The following TANC1 variants were observed in gnomAD, a reference collection of about 807,000 sequenced individuals.
TANC1 encodes the protein tetratricopeptide repeat, ankyrin repeat and coiled-coil containing 1.
In TANC1, 77 loss-of-function variants were observed where a neutral mutation model predicts 149.7. That is an observed-to-expected ratio of 0.51 (90% CI 0.43 to 0.62). The LOEUF (loss-of-function observed/expected upper bound fraction) is 0.62. TANC1 is among the 20% of genes least tolerant of loss of function. The pLI is 0.00. For synonymous variants in TANC1, 854 were observed against 925.0 expected (o/e 0.92, Z 1.39); for missense variants, 1,985 against 2,321.8 (o/e 0.85, Z 2.98).
rs571198682 is a variant in TANC1 at position 159,063,580 on chromosome 2, T to C, written c.-15-2316T>C. ...GGTTCCTTATTTTTGCACTCAGGTA[T>C]AATCAGTTAAAGTTGCTCCAGGTCG... On this transcript the variant is annotated intron_variant, in intron 2 of 26. Transcript: ENST00000263635. 2.8e-4 allele frequency among the ~76,000 whole-genome samples: 43 copies of C among 152,330 alleles called. No homozygotes were observed. The East Asian group carries it at 7.9e-3, about 28-fold the overall frequency.
chr2:159,125,883 C>T (rs1338382232), intron 4 of TANC1, among the ~76,000 whole-genome samples: 5 of 152,100 alleles, frequency 3.3e-5, no homozygotes, highest in East Asian at 1.9e-4. Context: ...CTGTTGAGCC[C>T]GGCCTAGGTC....
At chr2:159,046,443 C>T (rs538543738) in intron 2 of TANC1, among the ~76,000 whole-genome samples, 10 of 152,202 alleles carry the variant, frequency 6.6e-5, no homozygotes, top group Admixed American at 1.3e-4. Flanking sequence ...CCCTTGTCGA[C>T]GTCCCAAATG....
At chr2:159,142,019 A>G (rs1269408876) in intron 5 of TANC1, among the ~76,000 whole-genome samples, 2 of 152,220 alleles carry the variant, frequency 1.3e-5, no homozygotes, top group Non-Finnish European at 2.9e-5. Context: ...CTGTTTCAGG[A>G]GACTTGTGAA....
At chr2:159,122,266 C>A (rs1199007624) in intron 4 of TANC1, among the ~76,000 whole-genome samples, 4 of 152,090 alleles carry the variant, frequency 2.6e-5, no homozygotes, top group African/African-American at 9.7e-5. Context: ...AAAATTAGGG[C>A]TTTCTTACAG....
chr2:159,220,760 T>G (rs2059656859), intron 22 of TANC1, among the ~76,000 whole-genome samples: 1 of 152,022 alleles, frequency 6.6e-6, no homozygotes, highest in African/African-American at 2.4e-5. Flanking sequence ...CTGGCTAATT[T>G]TTAGAGACAC....
Position 159,125,650 on chromosome 2 carries a change from C to T in TANC1, c.260-10544C>T, listed in dbSNP as rs536963929. Reference sequence around the variant, plus strand: ...TGTTGCCCAGGCTGGAGTGCAGTGTCGTGATCTCGGCTCACTGCAACCTCC... The same window carrying T: ...TGTTGCCCAGGCTGGAGTGCAGTGTTGTGATCTCGGCTCACTGCAACCTCC... On this transcript the variant is annotated intron_variant, in intron 4 of 26. Coordinates refer to ENST00000263635, the MANE Select transcript of TANC1 (RefSeq NM_033394.3). 3.5e-5 allele frequency among the ~76,000 whole-genome samples: 5 copies of T among 144,142 alleles called. No individual in the cohort carries two copies. In the East Asian group the frequency reaches 6.1e-4, roughly 18 times the overall value. The allele number at this position is 144,142 out of a possible 152,430, so 94.6% of individuals were successfully genotyped here. A position where few individuals can be genotyped will look rare whatever the true frequency, so the allele number is the denominator to read the frequency against.
intron 16 of TANC1, among the ~76,000 whole-genome samples, chr2:159,191,302 C>T (rs1198550725): frequency 6.6e-6 from 1 of 152,180 alleles, no homozygotes; most frequent in Non-Finnish European, 1.5e-5. Context: ...CTGTGAACTT[C>T]TGTATCGTAG....
intron 7 of TANC1, among the ~76,000 whole-genome samples, chr2:159,162,316 T>G (rs1271414022): frequency 2.6e-5 from 4 of 152,124 alleles, no homozygotes; most frequent in African/African-American, 9.7e-5. Context: ...GGCGTGGAGT[T>G]GAGGGCCTAG....
intron 1 of TANC1, among the ~76,000 whole-genome samples, chr2:159,000,538 C>T (rs937365897): frequency 5.3e-5 from 8 of 151,856 alleles, no homozygotes; most frequent in Admixed American, 1.3e-4. Flanking sequence ...GTCTTTCGGG[C>T]CCAGGGTATA....
At chr2:159,069,237 T>A (rs866011704) in intron 3 of TANC1, among the ~76,000 whole-genome samples, 13 of 152,242 alleles carry the variant, frequency 8.5e-5, no homozygotes, top group Admixed American at 2.0e-4. Flanking sequence ...CATGTTTTTT[T>A]AGAGAGCATA....
Position 159,172,223 on chromosome 2 carries a change from C to T in TANC1, c.1454C>T (p.Ala485Val). Reference sequence around the variant, plus strand: ...AAAACACCTCTTGGGTCTATCAGTGCTGAAAACCAGAGACCAAGAGAGGAT... The same window carrying T: ...AAAACACCTCTTGGGTCTATCAGTGTTGAAAACCAGAGACCAAGAGAGGAT... ...TAKTPLGSIS[A>V]ENQRPREDAV... Residue 485 changes from alanine to valine, a missense_variant, in exon 11 of 27, where the codon GCT becomes GTT. Physicochemically the swap from Ala to Val is moderately conservative, Grantham distance 64. This residue lies in a region of TANC1 where 557 missense variants were observed against 612.9 expected (regional missense o/e 0.91). Coordinates refer to ENST00000263635, the MANE Select transcript of TANC1 (RefSeq NM_033394.3). 6.2e-7 allele frequency: 1 copy of T among 1,614,156 alleles called. No homozygotes were observed. The highest frequency in any genetic ancestry group is 8.5e-7 in the Non-Finnish European group (1 of 1,180,002).
intron 2 of TANC1, among the ~76,000 whole-genome samples, chr2:159,064,352 T>C (rs1002123500): frequency 6.6e-6 from 1 of 152,266 alleles, no homozygotes; most frequent in Admixed American, 6.5e-5. Context: ...CCATGCCCCT[T>C]CAGTATGTAA....
chr2:159,056,407 G>C (rs536851561), intron 2 of TANC1: 1 of 153,722 alleles, frequency 6.5e-6, no homozygotes, highest in Non-Finnish European at 1.4e-5. Context: ...CGCCTCCCGG[G>C]TTCAAGCTAT....
At chr2:159,082,353 TA>T (rs2044362365) in intron 3 of TANC1, among the ~76,000 whole-genome samples, 1 of 133,368 alleles carries the variant, frequency 7.5e-6, no homozygotes, top group South Asian at 2.6e-4. Flanking sequence ...GTATTTAAAA[TA>T]CATGTTTTAA....
intron 2 of TANC1, among the ~76,000 whole-genome samples, chr2:159,052,411 G>C (rs182531068): frequency 6.6e-6 from 1 of 152,020 alleles, no homozygotes; most frequent in Non-Finnish European, 1.5e-5. Flanking sequence ...TGACATACTC[G>C]CTCCTGCTAA....
intron 2 of TANC1, among the ~76,000 whole-genome samples, chr2:159,042,294 T>A (rs916816959): frequency 3.9e-5 from 6 of 152,170 alleles, no homozygotes; most frequent in African/African-American, 1.4e-4. Context: ...ATGATCCCGT[T>A]CTTTCTGGCA....
intron 4 of TANC1, among the ~76,000 whole-genome samples, chr2:159,121,103 T>C (rs1378041704): frequency 6.6e-6 from 1 of 152,172 alleles, no homozygotes. Context: ...TCTAATAACA[T>C]GTTTGCTGGA....
At chr2:158,996,463 T>A (rs770998598) in intron 1 of TANC1, among the ~76,000 whole-genome samples, 17 of 152,276 alleles carry the variant, frequency 1.1e-4, no homozygotes, top group Admixed American at 3.3e-4. Flanking sequence ...GATATTTTTG[T>A]ACACACGCAG....
chr2:159,177,890 T>G (rs577511066), intron 13 of TANC1, among the ~76,000 whole-genome samples: 4 of 152,354 alleles, frequency 2.6e-5, no homozygotes, highest in Admixed American at 2.0e-4. Context: ...CATAGGTATA[T>G]TTGACTTAGT....
Sources: gnomAD v4.1 joint callset for allele counts (sites outside exome capture counted in the v4.1 genomes callset) on GRCh38, gnomAD v4.1.1 for gene constraint, gnomAD v4.1.1 regional missense constraint, MANE v1.5 for transcripts, NCBI Gene and HGNC (gene_info 2026-07-23, HGNC 2026-07-21) for gene names.